NRXN1: variants seen among roughly 807,000 people sequenced by gnomAD.
NRXN1 encodes neurexin-1.
Under a neutral mutation model 150.9 loss-of-function variants are expected in NRXN1, and 39 were observed. That is an observed-to-expected ratio of 0.26 (90% confidence interval 0.20 to 0.34). NRXN1 has a LOEUF of 0.34. Ranked by LOEUF, NRXN1 falls within the 10% of genes least tolerant of loss-of-function variation. The probability of loss-of-function intolerance (pLI) is 1.00; values close to 1 mark genes in which losing one functional copy is unlikely to be tolerated. For missense variants in NRXN1, 1,815 were observed against 1,949.9 expected (o/e 0.93, Z 1.30); for synonymous variants, 924 against 757.0 (o/e 1.22, Z -3.62).
intron 21 of NRXN1, among the ~76,000 whole-genome samples, chr2:50,041,573 T>C (rs10191989): frequency 0.77 from 116,756 of 152,084 alleles, 45,009 homozygotes; most frequent in African/African-American, 0.8. Flanking sequence ...CTCTTTGAAA[T>C]GGGCAAGCTA....
chr2:50,210,436 T>C (rs1037149806), intron 18 of NRXN1, among the ~76,000 whole-genome samples: 4 of 151,798 alleles, frequency 2.6e-5, no homozygotes, highest in African/African-American at 9.7e-5. Flanking sequence ...TTCACAGGTA[T>C]TAATTAGAAG....
At chr2:50,070,787 A>AC (rs1461428352) in intron 19 of NRXN1, among the ~76,000 whole-genome samples, 1 of 151,628 alleles carries the variant, frequency 6.6e-6, no homozygotes, top group Non-Finnish European at 1.5e-5. Context: ...AAAAAAAAAA[A>AC]AACCTGTAAT....
chr2:50,191,212 T>TG (rs1364202608), intron 18 of NRXN1, among the ~76,000 whole-genome samples: 2 of 150,906 alleles, frequency 1.3e-5, no homozygotes, highest in Non-Finnish European at 1.5e-5. Flanking sequence ...TTTGTTTTTT[T>TG]TTTTTTTAGT....
chr2:50,325,025 T>A (rs1312027784), intron 17 of NRXN1, among the ~76,000 whole-genome samples: 1 of 152,056 alleles, frequency 6.6e-6, no homozygotes, highest in Non-Finnish European at 1.5e-5. Context: ...AGCAGAACAT[T>A]TGGGACTGGG....
Position 50,827,935 on chromosome 2 carries a change from T to C in NRXN1, c.832+93934A>G, listed in dbSNP as rs1323578941. Reference sequence around the variant, plus strand: ...ACAGGTTTGGGGGTAAGGTCACAGATCAACAGGATCCCAAGGCAGAAGAAT... The same window carrying C: ...ACAGGTTTGGGGGTAAGGTCACAGACCAACAGGATCCCAAGGCAGAAGAAT... On this transcript the variant is annotated intron_variant, in intron 5 of 22. Coordinates refer to ENST00000401669, the MANE Select transcript of NRXN1 (RefSeq NM_001330078.2). Among the ~76,000 whole-genome samples the C allele has an allele frequency of 2.1e-5, 3 of 145,216 alleles. No individual in the cohort carries two copies. The East Asian group carries it at 5.9e-4, about 29-fold the overall frequency.
chr2:50,395,661 C>A (rs2082007801), intron 17 of NRXN1, among the ~76,000 whole-genome samples: 1 of 152,108 alleles, frequency 6.6e-6, no homozygotes, highest in Non-Finnish European at 1.5e-5. Context: ...AACAACTTAA[C>A]TTATGCCAGG....
intron 18 of NRXN1, among the ~76,000 whole-genome samples, chr2:50,194,046 T>G (rs1373474613): frequency 6.6e-6 from 1 of 152,178 alleles, no homozygotes; most frequent in Non-Finnish European, 1.5e-5. Flanking sequence ...CCCTATGAGT[T>G]AAGTGACTTG....
At chr2:50,927,524 A>G (rs1687083989) in intron 2 of NRXN1, among the ~76,000 whole-genome samples, 1 of 152,026 alleles carries the variant, frequency 6.6e-6, no homozygotes, top group Non-Finnish European at 1.5e-5. Flanking sequence ...ATTAGGCTGA[A>G]TTTGTTACTT....
In NRXN1 at chr2:50,130,554, C is replaced by T. The variant is rs115549453; in HGVS notation, c.3547-39060G>A. ...CTTAAGCAGATTTCAAACCGTGCTC[C>T]AAGGAATGCTGTTACATAATATATT... On this transcript the variant is annotated intron_variant, in intron 18 of 22. Coordinates refer to ENST00000401669, the MANE Select transcript of NRXN1 (RefSeq NM_001330078.2). 6.7e-3 allele frequency among the ~76,000 whole-genome samples: 1,018 copies of T among 152,168 alleles called. 4 individuals carry two copies. Among genetic ancestry groups the T allele is most frequent in the Non-Finnish European group, 0.011 (768 of 68,006 alleles).
intron 17 of NRXN1, among the ~76,000 whole-genome samples, chr2:50,398,085 A>G (rs1241323113): frequency 6.6e-6 from 1 of 152,174 alleles, no homozygotes; most frequent in Admixed American, 6.6e-5. Flanking sequence ...CACACGTTTC[A>G]GAGGCTGTGA....
chr2:50,860,330 T>G (rs903838427), intron 5 of NRXN1, among the ~76,000 whole-genome samples: 3 of 152,080 alleles, frequency 2.0e-5, no homozygotes, highest in African/African-American at 4.8e-5. Flanking sequence ...AAGAATCATA[T>G]ACAAATAACA....
At chr2:50,460,813 G>T (rs1215738043) in intron 17 of NRXN1, among the ~76,000 whole-genome samples, 1 of 151,830 alleles carries the variant, frequency 6.6e-6, no homozygotes, top group Non-Finnish European at 1.5e-5. Flanking sequence ...CTTATGAATT[G>T]CTTTAAACAG....
intron 17 of NRXN1, among the ~76,000 whole-genome samples, chr2:50,353,314 C>G (rs2078557211): frequency 6.6e-6 from 1 of 152,234 alleles, no homozygotes; most frequent in South Asian, 2.1e-4. Context: ...ACAGGAGCAC[C>G]AACCAATAAT....
chr2:50,895,072 A>G (rs1385710230), intron 5 of NRXN1, among the ~76,000 whole-genome samples: 2 of 152,194 alleles, frequency 1.3e-5, no homozygotes, highest in Non-Finnish European at 2.9e-5. Flanking sequence ...GGTTCCCACT[A>G]CAAATGAATT....
intron 2 of NRXN1, among the ~76,000 whole-genome samples, chr2:51,026,848 A>G (rs935185759): frequency 6.6e-6 from 1 of 152,230 alleles, no homozygotes; most frequent in African/African-American, 2.4e-5. Context: ...GTGGAAACCA[A>G]CATTATTCCA....
At chr2:49,986,842 T>C (rs1422643830) in intron 21 of NRXN1, among the ~76,000 whole-genome samples, 5 of 152,032 alleles carry the variant, frequency 3.3e-5, no homozygotes, top group East Asian at 3.9e-4. Context: ...GGCAGGTGGA[T>C]TGCTTGAGCC....
chr2:50,190,758 A>T (rs1450728035), intron 18 of NRXN1, among the ~76,000 whole-genome samples: 1 of 151,506 alleles, frequency 6.6e-6, no homozygotes, highest in Non-Finnish European at 1.5e-5. Context: ...GATTACAGGC[A>T]TGCGCCACCA....
chr2:50,759,480 A>C (rs1701543006), intron 5 of NRXN1, among the ~76,000 whole-genome samples: 1 of 151,974 alleles, frequency 6.6e-6, no homozygotes, highest in Admixed American at 6.6e-5. Context: ...ATCTGACGCA[A>C]GTCAATGAAT....
At chr2:50,175,462 A>G (rs1050669486) in intron 18 of NRXN1, among the ~76,000 whole-genome samples, 19 of 152,116 alleles carry the variant, frequency 1.2e-4, no homozygotes, top group African/African-American at 4.6e-4. Flanking sequence ...TTTTAGGCAG[A>G]TGGAGCATTT....
Sources: allele counts gnomAD v4.1 joint callset (sites outside exome capture counted in the v4.1 genomes callset), GRCh38; gene constraint gnomAD v4.1.1; transcripts MANE v1.5; gene names NCBI Gene and HGNC (gene_info 2026-07-23, HGNC 2026-07-21).